Variants in ESRRG observed in about 807,000 individuals in gnomAD.
ESRRG encodes the protein estrogen-related receptor gamma.
In ESRRG, 13 loss-of-function variants were observed where a neutral mutation model predicts 44.0. The observed-to-expected ratio is 0.30, with a 90% CI of 0.19 to 0.47. ESRRG has a LOEUF of 0.47. ESRRG is among the 20% of genes least tolerant of loss of function. The probability of loss-of-function intolerance (pLI) is 1.00; values close to 1 mark genes in which losing one functional copy is unlikely to be tolerated. For synonymous variants in ESRRG, 215 were observed against 214.6 expected, an observed-to-expected ratio of 1.00 and a Z score of -0.02; for missense variants, 395 against 580.6, an observed-to-expected ratio of 0.68 and a Z score of 3.29.
chr1:216,788,971 T>A (rs568036165), intron 2 of ESRRG, among the ~76,000 whole-genome samples: 12 of 152,144 alleles, frequency 7.9e-5, no homozygotes, highest in Non-Finnish European at 1.6e-4. Context: ...AATCTCAGGA[T>A]AAAACTTGAA....
intron 2 of ESRRG, among the ~76,000 whole-genome samples, chr1:216,749,064 G>T (rs1254128790): frequency 2.6e-5 from 4 of 151,970 alleles, no homozygotes; most frequent in Non-Finnish European, 5.9e-5. Flanking sequence ...TCTCTTTCTA[G>T]CACTATAAGG....
rs144650695 is a variant in ESRRG at position 217,075,345 on chromosome 1, G to A, written c.-106+14162C>T. 3.0e-3 allele frequency among the ~76,000 whole-genome samples: 461 copies of A among 152,264 alleles called. 1 individual carries two copies. In the Middle Eastern group the frequency reaches 0.041, roughly 13 times the overall value. The stretch of plus-strand genomic sequence containing the variant: ...TCACTCTACAGATGAGAATGTGGAA[G>A]GTCAGGTAGGTGAAGTCACTTGGCC... On this transcript the variant is annotated intron_variant, in intron 1 of 7. Transcript: ENST00000359162.
Position 216,868,814 on chromosome 1 carries a change from C to T in ESRRG, c.-14+70768G>A, listed in dbSNP as rs114718954. Reference sequence around the variant, plus strand: ...ATTTTAATATGCATTTTCCTCATAACTAATGGCATTGAACGTCCTTTCATG... The same window carrying T: ...ATTTTAATATGCATTTTCCTCATAATTAATGGCATTGAACGTCCTTTCATG... On this transcript the variant is annotated intron_variant, in intron 2 of 7. Coordinates refer to the ESRRG transcript ENST00000359162. Among the ~76,000 whole-genome samples, 1,475 of 152,288 alleles carry T rather than the reference C, an allele frequency of 9.7e-3. 22 individuals carry two copies. Among genetic ancestry groups the T allele is most frequent in the African/African-American group, 0.034 (1,405 of 41,546 alleles).
intron 1 of ESRRG, among the ~76,000 whole-genome samples, chr1:216,981,011 T>C (rs1240158836): frequency 6.6e-6 from 1 of 152,182 alleles, no homozygotes; most frequent in Non-Finnish European, 1.5e-5. Flanking sequence ...CATCCTTTTC[T>C]GACTGCACTA....
intron 1 of ESRRG, among the ~76,000 whole-genome samples, chr1:217,134,902 G>A (rs764725296): frequency 2.0e-5 from 3 of 152,252 alleles, no homozygotes; most frequent in East Asian, 3.8e-4. Flanking sequence ...CACAGCAAGC[G>A]AGTCCTGGCC....
rs150963527 is a variant in ESRRG at position 216,793,340 on chromosome 1, G to C, written c.-13-115849C>G. Among the ~76,000 whole-genome samples, 6 of 152,240 alleles carry C rather than the reference G, an allele frequency of 3.9e-5. No individual in the cohort carries two copies. The East Asian group carries it at 1.2e-3, about 29-fold the overall frequency. ...TGTGTGACCAATGGAATACAGCAGG[G>C]GTGAAGGTATGTCACTTCTGAGATT... is the stretch of plus-strand genomic sequence containing the variant. On this transcript the variant is annotated intron_variant, in intron 2 of 7. Coordinates refer to the ESRRG transcript ENST00000359162.
intron 5 of ESRRG, among the ~76,000 whole-genome samples, chr1:216,525,284 A>G (rs943074568): frequency 3.3e-5 from 5 of 151,378 alleles, no homozygotes; most frequent in African/African-American, 1.2e-4. Context: ...ATGAATGCCT[A>G]ATAAGAATGT....
chr1:216,977,341 T>TACAC (rs1553749984), intron 1 of ESRRG, among the ~76,000 whole-genome samples: 4,171 of 144,020 alleles, frequency 0.029, 70 homozygotes, highest in Admixed American at 0.039. Flanking sequence ...GGAGGATACA[T>TACAC]ACACACACAC....
intron 1 of ESRRG, among the ~76,000 whole-genome samples, chr1:216,716,500 T>G (rs2084907495): frequency 1.3e-5 from 2 of 151,934 alleles, no homozygotes; most frequent in Admixed American, 1.3e-4. Flanking sequence ...CAGCCCTCAG[T>G]ATGCCCAATA....
intron 2 of ESRRG, among the ~76,000 whole-genome samples, chr1:216,743,618 C>G (rs1480174153): frequency 6.6e-6 from 1 of 152,170 alleles, no homozygotes; most frequent in African/African-American, 2.4e-5. Context: ...CTGTTAGCCA[C>G]TAAGTGCTCT....
At chr1:216,664,939 G>GT (rs2073521790) in intron 2 of ESRRG, among the ~76,000 whole-genome samples, 1 of 152,106 alleles carries the variant, frequency 6.6e-6, no homozygotes, top group Non-Finnish European at 1.5e-5. Context: ...GTTCACTGCA[G>GT]TATTATTTAC....
intron 2 of ESRRG, among the ~76,000 whole-genome samples, chr1:216,657,178 A>G (rs1283472655): frequency 1.3e-5 from 2 of 152,158 alleles, no homozygotes; most frequent in African/African-American, 4.8e-5. Flanking sequence ...TTCCACCTGA[A>G]AGAGAAAATA....
intron 2 of ESRRG, among the ~76,000 whole-genome samples, chr1:216,908,438 G>A (rs2059923922): frequency 6.6e-6 from 1 of 152,150 alleles, no homozygotes; most frequent in South Asian, 2.1e-4. Flanking sequence ...CGCAGACAAG[G>A]CAAAAATTTA....
chr1:216,826,188 C>CAA (rs200086765), intron 2 of ESRRG, among the ~76,000 whole-genome samples: 7 of 142,942 alleles, frequency 4.9e-5, no homozygotes, highest in African/African-American at 1.5e-4. Flanking sequence ...TGTTTAAGGA[C>CAA]AAAAAAAAAA....
At chr1:217,090,535 A>C (rs1292919340), upstream of ESRRG, 1 of 152,216 alleles carries the variant, frequency 6.6e-6, no homozygotes, top group African/African-American at 2.4e-5. Context: ...TCTCAGTTGC[A>C]TTCCCGGTGT....
chr1:216,634,426 C>G (rs1319557144), intron 3 of ESRRG, among the ~76,000 whole-genome samples: 2 of 151,718 alleles, frequency 1.3e-5, no homozygotes, highest in African/African-American at 4.8e-5. Context: ...CAGCTATTCA[C>G]CACTATGAGA....
upstream of ESRRG, among the ~76,000 whole-genome samples, chr1:216,727,017 T>C (rs2087665900): frequency 6.6e-6 from 1 of 152,196 alleles, no homozygotes; most frequent in South Asian, 2.1e-4. Context: ...TGCTTAGTCT[T>C]GCTGTTATTG....
chr1:216,764,331 A>G (rs1460587591), intron 2 of ESRRG, among the ~76,000 whole-genome samples: 1 of 150,910 alleles, frequency 6.6e-6, no homozygotes, highest in Non-Finnish European at 1.5e-5. Flanking sequence ...GTGTAGTGGC[A>G]CAATCTCAGC....
At chr1:216,971,908 G>T (rs1229329120) in intron 1 of ESRRG, among the ~76,000 whole-genome samples, 1 of 152,146 alleles carries the variant, frequency 6.6e-6, no homozygotes, top group Non-Finnish European at 1.5e-5. Flanking sequence ...CTAGCCTGAA[G>T]GCCCATAACT....
Sources: gnomAD v4.1 joint callset for allele counts (sites outside exome capture counted in the v4.1 genomes callset) on GRCh38, gnomAD v4.1.1 for gene constraint, MANE v1.5 for transcripts, NCBI Gene and HGNC (gene_info 2026-07-23, HGNC 2026-07-21) for gene names.